Variants in PFKP observed in about 807,000 individuals in gnomAD.
PFKP encodes the protein phosphofructokinase, platelet.
In PFKP, 101 loss-of-function variants were observed where a neutral mutation model predicts 94.3. The observed-to-expected ratio is 1.07, with a 90% CI of 0.91 to 1.26. PFKP has a LOEUF of 1.26. PFKP is among the 50% of genes most tolerant of loss of function. PFKP has a pLI of 0.00. For synonymous variants in PFKP, 573 were observed against 432.6 expected, an observed-to-expected ratio of 1.32 and a Z score of -4.03; for missense variants, 1,145 against 1,103.3, an observed-to-expected ratio of 1.04 and a Z score of -0.53.
intron 16 of PFKP, among the ~76,000 whole-genome samples, chr10:3,120,301 G>C (rs1193746015): frequency 2.0e-5 from 3 of 152,078 alleles, no homozygotes; most frequent in African/African-American, 4.8e-5. Flanking sequence ...AGGGGTGCCC[G>C]TGAGCACCCG....
At chr10:3,083,439 G>C (rs1588410402) in intron 2 of PFKP, among the ~76,000 whole-genome samples, 1 of 151,910 alleles carries the variant, frequency 6.6e-6, no homozygotes, top group East Asian at 1.9e-4. Flanking sequence ...TGAGAAGAAG[G>C]TATTTTTGTA....
chr10:3,089,089 G>A (rs4881076), intron 2 of PFKP, among the ~76,000 whole-genome samples: 6,713 of 152,112 alleles, frequency 0.044, 280 homozygotes, highest in Admixed American at 0.12. Flanking sequence ...CCACCACCAC[G>A]CCTGGCTAAA....
At chr10:3,089,404 G>A (rs1488103510) in intron 2 of PFKP, among the ~76,000 whole-genome samples, 1 of 152,102 alleles carries the variant, frequency 6.6e-6, no homozygotes, top group African/African-American at 2.4e-5. Flanking sequence ...GTGATGGGGA[G>A]TGAATGTAGG....
intron 1 of PFKP, among the ~76,000 whole-genome samples, chr10:3,073,734 G>T (rs116167620): frequency 2.7e-5 from 4 of 149,454 alleles, no homozygotes; most frequent in Non-Finnish European, 6.0e-5. Context: ...TGATTGAAAG[G>T]GTGGCATGCA....
At chr10:3,069,230 A>G (rs1214648144) in intron 1 of PFKP, 15 of 1,411,896 alleles carry the variant, frequency 1.1e-5, no homozygotes, top group Non-Finnish European at 1.4e-5. Flanking sequence ...CTCTGGCGTT[A>G]GCATTCCAGT....
chr10:3,077,227 A>G (rs1368676570), intron 1 of PFKP, among the ~76,000 whole-genome samples: 1 of 139,728 alleles, frequency 7.2e-6, no homozygotes, highest in East Asian at 2.1e-4. Context: ...AGATTATTTC[A>G]TTAGAGTTCA....
Position 3,112,204 on chromosome 10 carries a change from T to A in PFKP, c.1090-18T>A. 2 of 1,606,692 alleles carry A rather than the reference T, an allele frequency of 1.2e-6. No homozygotes were observed. Among genetic ancestry groups the A allele is most frequent in the Non-Finnish European group, 1.7e-6 (2 of 1,173,284 alleles). ...GGTCCTGACACATTCTTTCTTCTTT[T>A]CATCATTGTTTTAAAAGACTCAGGA... On this transcript the variant is annotated intron_variant, in intron 10 of 21. Coordinates refer to ENST00000381125, the MANE Select transcript of PFKP (RefSeq NM_002627.5).
intron 16 of PFKP, among the ~76,000 whole-genome samples, chr10:3,128,470 A>C (rs543499935): frequency 6.0e-5 from 9 of 150,620 alleles, no homozygotes; most frequent in Non-Finnish European, 1.0e-4. Context: ...GGCCGCTGTG[A>C]CACTGACCAC....
Position 3,067,656 on chromosome 10 carries a change from T to C in PFKP, c.61T>C (p.Ser21Pro). The C allele has an allele frequency of 5.9e-6, 9 of 1,534,332 alleles. No individual in the cohort carries two copies. The highest frequency in any genetic ancestry group is 7.0e-6 in the Non-Finnish European group (8 of 1,140,160). The change falls in exon 1 of 22, where the codon TCC becomes CCC. Residue 21 changes from serine (S) to proline (P), a missense_variant. Transcript: ENST00000381125. ...GSLRKFLEHL[S>P]GAGKAIGVLT... Reference sequence around the variant, plus strand: ...CTTGCGGAAGTTCCTGGAGCACCTCTCCGGGGCCGGCAAGGCCATCGGCGT... The same window carrying C: ...CTTGCGGAAGTTCCTGGAGCACCTCCCCGGGGCCGGCAAGGCCATCGGCGT...
rs1284558977 is a variant in PFKP, at chr10:3,134,575, G to C, written c.2115G>C (p.Arg705=). 1.2e-6 allele frequency: 2 copies of C among 1,611,112 alleles called. No individual in the cohort carries two copies. The highest frequency in any genetic ancestry group is 1.7e-6 in the Non-Finnish European group (2 of 1,177,386). Residue 705 remains arginine, a synonymous_variant, in exon 20 of 22, where the codon CGG becomes CGC. Transcript: ENST00000381125. Reference sequence around the variant, plus strand: ...TCACTGCAAAACTCAAGGAGGCCCGGGGCAGAGGTAAGGGGTCTGGGGAGG... The same window carrying C: ...TCACTGCAAAACTCAAGGAGGCCCGCGGCAGAGGTAAGGGGTCTGGGGAGG... The part of the protein sequence containing the change: ...EWITAKLKEA[R]GRGKKFTTDD...
At chr10:3,135,873 C>T (rs1390169032) in intron 21 of PFKP, 35 bp downstream of exon 21, 1 of 1,278,812 alleles carries the variant, frequency 7.8e-7, no homozygotes, top group Non-Finnish European at 1.1e-6. Flanking sequence ...CAATAAGACC[C>T]CAATGTGAGT....
At chr10:3,092,885 C>T in intron 2 of PFKP, among the ~76,000 whole-genome samples, 1 of 152,102 alleles carries the variant, frequency 6.6e-6, no homozygotes, top group Non-Finnish European at 1.5e-5. Flanking sequence ...GTGTGGGGGA[C>T]CTCTCCTAAT....
At chr10:3,104,005 C>T (rs1303420852) in intron 5 of PFKP, 61 bp downstream of exon 5, 52 of 1,500,910 alleles carry the variant, frequency 3.5e-5, no homozygotes, top group African/African-American at 9.7e-5. Flanking sequence ...CCAGCTCAGA[C>T]GTTACCACGG....
intron 13 of PFKP, among the ~76,000 whole-genome samples, chr10:3,114,587 G>A (rs1310750243): frequency 6.6e-6 from 1 of 152,240 alleles, no homozygotes; most frequent in Admixed American, 6.5e-5. Context: ...TCTGGATGGT[G>A]AGCAGTGCTC....
Position 3,070,926 on chromosome 10 carries a change from T to A in PFKP, c.112+3219T>A, listed in dbSNP as rs113229157. ...TATTATTATTATTATTATTATTATT[T>A]TTGTAGAGACAGGATCTCACTATGC... On this transcript the variant is annotated intron_variant, in intron 1 of 21. Transcript: ENST00000381125. Among the ~76,000 whole-genome samples the A allele has an allele frequency of 4.5e-3, 665 of 148,356 alleles. 4 individuals are homozygous for A. Among genetic ancestry groups the A allele is most frequent in the African/African-American group, 0.016 (616 of 39,358 alleles).
At chr10:3,126,585 G>A (rs545746215) in intron 16 of PFKP, among the ~76,000 whole-genome samples, 9 of 152,342 alleles carry the variant, frequency 5.9e-5, no homozygotes, top group South Asian at 4.1e-4. Context: ...TCTGGCCACC[G>A]ACTTCAGCAG....
intron 2 of PFKP, among the ~76,000 whole-genome samples, chr10:3,097,257 C>T (rs921013513): frequency 4.0e-5 from 6 of 151,824 alleles, no homozygotes; most frequent in East Asian, 1.9e-4. Context: ...TGCACATGAC[C>T]GTCTGTTACC....
intron 2 of PFKP, among the ~76,000 whole-genome samples, chr10:3,092,886 C>A (rs1166073798): frequency 1.3e-5 from 2 of 152,108 alleles, no homozygotes; most frequent in African/African-American, 4.8e-5. Context: ...TGTGGGGGAC[C>A]TCTCCTAATC....
At chr10:3,114,275 G>C (rs1836570777) in intron 13 of PFKP, among the ~76,000 whole-genome samples, 1 of 151,912 alleles carries the variant, frequency 6.6e-6, no homozygotes, top group African/African-American at 2.4e-5. Flanking sequence ...TCAGCCTCCT[G>C]AGTAGCTGAA....
Sources: allele counts gnomAD v4.1 joint callset (sites outside exome capture counted in the v4.1 genomes callset), GRCh38; gene constraint gnomAD v4.1.1; transcripts MANE v1.5; gene names NCBI Gene and HGNC (gene_info 2026-07-23, HGNC 2026-07-21).